The following CHST9 variants were observed in gnomAD, a reference collection of about 807,000 sequenced individuals.
CHST9 encodes carbohydrate sulfotransferase 9.
Under a neutral mutation model 44.4 loss-of-function variants are expected in CHST9, and 41 were observed. The observed-to-expected ratio is 0.92, with a 90% CI of 0.72 to 1.20. The LOEUF (loss-of-function observed/expected upper bound fraction) is 1.20. Ranked by LOEUF, CHST9 falls within the 50% of genes most tolerant of loss-of-function variation. The pLI is 0.00. For missense variants in CHST9, 504 were observed against 516.5 expected, an observed-to-expected ratio of 0.98 and a Z score of 0.23; for synonymous variants, 171 against 178.4, an observed-to-expected ratio of 0.96 and a Z score of 0.33.
intron 1 of CHST9, among the ~76,000 whole-genome samples, chr18:27,151,400 G>C (rs1447001469): frequency 6.6e-6 from 1 of 152,130 alleles, no homozygotes; most frequent in Non-Finnish European, 1.5e-5. Context: ...GCACAGTACA[G>C]TTACCAAGAC....
At chr18:26,990,296 A>G (rs1568123332) in intron 4 of CHST9, among the ~76,000 whole-genome samples, 2 of 152,216 alleles carry the variant, frequency 1.3e-5, no homozygotes, top group Non-Finnish European at 2.9e-5. Context: ...TATATTAATT[A>G]TACTTCAATA....
rs73402843 is a variant in CHST9 at position 26,999,255 on chromosome 18, A to G, written c.202+24861T>C. Among the ~76,000 whole-genome samples the G allele has an allele frequency of 9.7e-4, 148 of 152,314 alleles. 1 individual carries two copies. The highest frequency in any genetic ancestry group is 3.5e-3 in the African/African-American group (144 of 41,570). ...TATGGTTCAGAGCCATGGAGCAGGT[A>G]ATAAATATGACTGTGACAACTTTCT... On this transcript the variant is annotated intron_variant, in intron 4 of 5. Coordinates refer to ENST00000618847, the MANE Select transcript of CHST9 (RefSeq NM_031422.6).
At chr18:26,939,596 T>C (rs1310508828) in intron 5 of CHST9, among the ~76,000 whole-genome samples, 5 of 152,152 alleles carry the variant, frequency 3.3e-5, no homozygotes, top group African/African-American at 1.2e-4. Flanking sequence ...TATTTCAAAG[T>C]GTTAAAGGAA....
chr18:26,977,020 T>C (rs2056631532), intron 4 of CHST9, among the ~76,000 whole-genome samples: 2 of 152,184 alleles, frequency 1.3e-5, no homozygotes, highest in Non-Finnish European at 1.5e-5. Context: ...AGCAGTCTCA[T>C]GTACTTTGCC....
chr18:27,116,184 G>A (rs2058318325), intron 2 of CHST9, among the ~76,000 whole-genome samples: 2 of 151,906 alleles, frequency 1.3e-5, no homozygotes, highest in African/African-American at 4.8e-5. Context: ...TGTGATTTTG[G>A]TGTCAGAGTT....
intron 2 of CHST9, among the ~76,000 whole-genome samples, chr18:27,126,894 T>C (rs1351030475): frequency 4.6e-5 from 7 of 152,030 alleles, no homozygotes; most frequent in African/African-American, 1.5e-4. Flanking sequence ...AGTAATGGGA[T>C]AGAGAGAAGT....
chr18:26,924,881 C>T (rs73400735), intron 5 of CHST9: 1,717 of 152,312 alleles, frequency 0.011, 38 homozygotes, highest in African/African-American at 0.039. Context: ...TGCCATCTGC[C>T]CCATCTCGCT....
intron 2 of CHST9, among the ~76,000 whole-genome samples, chr18:27,109,902 C>T (rs775929969): frequency 3.3e-5 from 5 of 152,036 alleles, no homozygotes; most frequent in Admixed American, 2.0e-4. Flanking sequence ...GAAGTTAGGC[C>T]TCTATGTCTT....
intron 4 of CHST9, among the ~76,000 whole-genome samples, chr18:26,977,444 T>A (rs1209781867): frequency 7.8e-4 from 103 of 132,404 alleles, no homozygotes; most frequent in Middle Eastern, 3.7e-3. Flanking sequence ...AAAAAAAAAA[T>A]GAAAAGAAAA....
chr18:26,918,838 G>A (rs1568090684), intron 5 of CHST9, among the ~76,000 whole-genome samples: 4 of 151,840 alleles, frequency 2.6e-5, no homozygotes, highest in African/African-American at 9.7e-5. Context: ...ATATGCCAAC[G>A]TGTACAGCCC....
intron 4 of CHST9, among the ~76,000 whole-genome samples, chr18:26,977,796 C>T (rs2056641703): frequency 6.6e-6 from 1 of 152,140 alleles, no homozygotes; most frequent in Non-Finnish European, 1.5e-5. Context: ...GAGCAAAAGT[C>T]TGACTCTCAT....
intron 1 of CHST9, among the ~76,000 whole-genome samples, chr18:27,169,891 G>A (rs1238173208): frequency 2.6e-5 from 4 of 152,216 alleles, no homozygotes; most frequent in Admixed American, 2.6e-4. Context: ...ACAGGCGTGA[G>A]CCACTGCGCC....
At chr18:27,091,858 T>C (rs952583902) in intron 2 of CHST9, among the ~76,000 whole-genome samples, 1 of 152,222 alleles carries the variant, frequency 6.6e-6, no homozygotes, top group African/African-American at 2.4e-5. Context: ...CAGTATTTTA[T>C]TGAGGATTTT....
intron 2 of CHST9, among the ~76,000 whole-genome samples, chr18:27,065,309 C>T (rs1329573696): frequency 7.2e-5 from 11 of 152,096 alleles, no homozygotes; most frequent in Non-Finnish European, 1.6e-4. Flanking sequence ...TCTTTTATAA[C>T]CACTGTGTGC....
At chr18:27,141,815 A>T (rs527551528) in intron 2 of CHST9, among the ~76,000 whole-genome samples, 1 of 151,790 alleles carries the variant, frequency 6.6e-6, no homozygotes, top group South Asian at 2.1e-4. Context: ...CTTTTACTTT[A>T]TTATCCTTAA....
intron 2 of CHST9, among the ~76,000 whole-genome samples, chr18:27,103,645 A>G (rs1281267446): frequency 6.6e-6 from 1 of 152,214 alleles, no homozygotes; most frequent in Non-Finnish European, 1.5e-5. Flanking sequence ...ATTTACAATC[A>G]ATAAGGATTA....
rs188758486 is a variant in CHST9 at position 27,039,635 on chromosome 18, A to C, written c.160+8830T>G. ...TACTTAATGCCACTGAACATTTTTA[A>C]CACATAAACATGGTTAAAATGGTAA... On this transcript the variant is annotated intron_variant, in intron 3 of 5. Coordinates refer to ENST00000618847, the MANE Select transcript of CHST9 (RefSeq NM_031422.6). 2.0e-5 allele frequency among the ~76,000 whole-genome samples: 3 copies of C among 152,284 alleles called. No individual in the cohort carries two copies. The East Asian group carries it at 5.8e-4, about 29-fold the overall frequency.
chr18:27,158,465 T>C (rs1429195681), intron 1 of CHST9, among the ~76,000 whole-genome samples: 1 of 151,000 alleles, frequency 6.6e-6, no homozygotes, highest in African/African-American at 2.4e-5. Context: ...TAGTATTCCA[T>C]GGTGTATATG....
intron 2 of CHST9, among the ~76,000 whole-genome samples, chr18:27,063,268 G>A (rs2057746218): frequency 6.6e-6 from 1 of 152,118 alleles, no homozygotes; most frequent in African/African-American, 2.4e-5. Context: ...TACCACATAT[G>A]CTCCCTCATA....
Sources: gnomAD v4.1 joint callset for allele counts (sites outside exome capture counted in the v4.1 genomes callset) on GRCh38, gnomAD v4.1.1 for gene constraint, MANE v1.5 for transcripts, NCBI Gene and HGNC (gene_info 2026-07-23, HGNC 2026-07-21) for gene names.